ADCY2: variants seen among roughly 807,000 people sequenced by gnomAD.
The protein encoded by ADCY2 is adenylate cyclase type 2.
ADCY2 carries 31 observed loss-of-function variants against 125.2 expected under a neutral mutation model. That is an observed-to-expected ratio of 0.25 (90% CI 0.19 to 0.33). ADCY2 has a LOEUF of 0.33. Among genes scored for constraint, ADCY2 ranks in the 10% least tolerant of loss-of-function variants. ADCY2 has a pLI of 1.00. For synonymous variants in ADCY2, 512 were observed against 548.4 expected (o/e 0.93, Z 0.93); for missense variants, 904 against 1,418.2 (o/e 0.64, Z 5.82).
At chr5:7,800,622 A>T (rs1744563516) in intron 20 of ADCY2, 1 of 152,246 alleles carries the variant, frequency 6.6e-6, no homozygotes, top group Admixed American at 6.5e-5. Flanking sequence ...AGATCACGCC[A>T]TTGCACTCCA....
chr5:7,745,760 T>C lies in ADCY2; in HGVS notation c.1956+2008T>C, dbSNP rs541421590. 1.9e-3 allele frequency among the ~76,000 whole-genome samples: 293 copies of C among 152,332 alleles called. 2 individuals carry two copies. The highest frequency in any genetic ancestry group is 6.9e-3 in the African/African-American group (285 of 41,584). ...TTCTAATTAAGTCAGTTCAGATCAT[T>C]GTGACTAACTAGCCATATTTATCAT... On this transcript the variant is annotated intron_variant, in intron 15 of 24. Coordinates refer to ENST00000338316, the MANE Select transcript of ADCY2 (RefSeq NM_020546.3).
chr5:7,552,655 GGTA>G (rs1239084312), intron 3 of ADCY2, among the ~76,000 whole-genome samples: 1 of 152,108 alleles, frequency 6.6e-6, no homozygotes, highest in Non-Finnish European at 1.5e-5. Flanking sequence ...CAAGTAAAAT[GGTA>G]GAAAGAGCTC....
Position 7,802,235 on chromosome 5 carries a change from C to T in ADCY2, c.2646C>T (p.Ser882=), listed in dbSNP as rs773835529. 1 of 1,613,882 alleles carries T rather than the reference C, an allele frequency of 6.2e-7. No individual in the cohort carries two copies. Among genetic ancestry groups the T allele is most frequent in the Non-Finnish European group, 8.5e-7 (1 of 1,179,884 alleles). Reference sequence around the variant, plus strand: ...CCAAGCAGGAGCTATACCACCAGTCCTATGACTGCGTCTGCGTCATGTTTG... The same window carrying T: ...CCAAGCAGGAGCTATACCACCAGTCTTATGACTGCGTCTGCGTCATGTTTG... ...SLKNEELYHQ[S]YDCVCVMFAS... Residue 882 remains serine, a synonymous_variant, in exon 21 of 25, where the codon TCC becomes TCT. Transcript: ENST00000338316. The surrounding 1 kb of genome is among the most constrained non-coding windows in gnomAD (Gnocchi z 4.6).
chr5:7,557,032 G>A lies in ADCY2; in HGVS notation c.570+36133G>A, dbSNP rs1313718912. On this transcript the variant is annotated intron_variant, in intron 3 of 24. Transcript: ENST00000338316. ...TTAAAAATTTTATTTGTGCAAAGATGCCATTTTAAAAGTAAAGAAACAATC... is the reference window on the plus strand; with the variant it reads ...TTAAAAATTTTATTTGTGCAAAGATACCATTTTAAAAGTAAAGAAACAATC... 2.0e-5 allele frequency among the ~76,000 whole-genome samples: 3 copies of A among 151,768 alleles called. 1 individual carries two copies. Among genetic ancestry groups the A allele is most frequent in the South Asian group, 2.1e-4 (1 of 4,826 alleles).
chr5:7,637,066 GTTAA>G (rs756094758), intron 4 of ADCY2, among the ~76,000 whole-genome samples: 1 of 152,154 alleles, frequency 6.6e-6, no homozygotes, highest in Non-Finnish European at 1.5e-5. Flanking sequence ...TAAATTGCCT[GTTAA>G]TTATTTCTAA....
At chr5:7,809,995 C>G (rs141795051) in intron 22 of ADCY2, among the ~76,000 whole-genome samples, 79 of 152,256 alleles carry the variant, frequency 5.2e-4, no homozygotes, top group African/African-American at 1.9e-3. Context: ...ATTTAGTGGT[C>G]GGTAGAAAAT....
rs114842588 is a variant in ADCY2 at position 7,542,886 on chromosome 5, A to G, written c.570+21987A>G. ...AACTATCACATTCCACCCCTTGTCA[A>G]CTGGACACTCAGGCACATCCACTTT... On this transcript the variant is annotated intron_variant, in intron 3 of 24. Coordinates refer to ENST00000338316, the MANE Select transcript of ADCY2 (RefSeq NM_020546.3). Among the ~76,000 whole-genome samples, 649 of 152,310 alleles carry G rather than the reference A, an allele frequency of 4.3e-3. 1 individual carries two copies. Among genetic ancestry groups the G allele is most frequent in the African/African-American group, 0.015 (606 of 41,574 alleles).
chr5:7,613,613 T>C (rs187811883), intron 3 of ADCY2, among the ~76,000 whole-genome samples: 95 of 152,370 alleles, frequency 6.2e-4, no homozygotes, highest in African/African-American at 2.3e-3. Flanking sequence ...AAAGTTTTTC[T>C]TGGCGTTTCA....
At chr5:7,583,337 G>A (rs1736496745) in intron 3 of ADCY2, among the ~76,000 whole-genome samples, 1 of 151,904 alleles carries the variant, frequency 6.6e-6, no homozygotes, top group South Asian at 2.1e-4. Context: ...TTTATAAACT[G>A]ATTATAATAT....
chr5:7,783,315 T>G (rs1743976835), intron 18 of ADCY2, among the ~76,000 whole-genome samples: 1 of 152,098 alleles, frequency 6.6e-6, no homozygotes, highest in Admixed American at 6.5e-5. Context: ...GCCAGGGATA[T>G]AAGTATTTAA....
At chr5:7,501,415 ATGC>A (rs1474681447) in intron 2 of ADCY2, among the ~76,000 whole-genome samples, 2 of 152,196 alleles carry the variant, frequency 1.3e-5, no homozygotes, top group Admixed American at 6.5e-5. Flanking sequence ...TAAGATATTG[ATGC>A]TTTTCAATCA....
At chr5:7,416,814 C>T (rs1739965198) in intron 2 of ADCY2, among the ~76,000 whole-genome samples, 1 of 152,178 alleles carries the variant, frequency 6.6e-6, no homozygotes, top group Admixed American at 6.5e-5. Flanking sequence ...AGTTAAGATC[C>T]TGCTGGTCGG....
In ADCY2 at chr5:7,501,135, A is replaced by ATTTTTTT. The variant is rs1561059958; in HGVS notation, c.409-19603_409-19602insTTTTTTT. 8.1e-4 allele frequency among the ~76,000 whole-genome samples: 99 copies of ATTTTTTT among 121,606 alleles called. 1 individual carries two copies. Among genetic ancestry groups the ATTTTTTT allele is most frequent in the African/African-American group, 1.5e-3 (49 of 31,952 alleles). The allele number at this position is 121,606 out of a possible 152,430, so 79.8% of individuals were successfully genotyped here. A position where few individuals can be genotyped will look rare whatever the true frequency, so the allele number is the denominator to read the frequency against. ...ATTTAAATAAAAGCTTTTTTTTAAA[A>ATTTTTTT]AAAAAAAAAAAGGTCTACATTTTCT... is the stretch of plus-strand genomic sequence containing the variant. On this transcript the variant is annotated intron_variant, in intron 2 of 24. Coordinates refer to ENST00000338316, the MANE Select transcript of ADCY2 (RefSeq NM_020546.3).
chr5:7,719,972 A>G (rs1741707198), intron 12 of ADCY2, among the ~76,000 whole-genome samples: 1 of 152,046 alleles, frequency 6.6e-6, no homozygotes, highest in Admixed American at 6.6e-5. Flanking sequence ...TCTAGTAAGC[A>G]TAGTATTCAG....
chr5:7,762,148 A>G (rs891219667), intron 16 of ADCY2, among the ~76,000 whole-genome samples: 2 of 152,344 alleles, frequency 1.3e-5, no homozygotes, highest in East Asian at 3.9e-4. Flanking sequence ...CTGCTCAAGC[A>G]CTGAATTCCT....
chr5:7,483,454 G>A (rs1020829409), intron 2 of ADCY2, among the ~76,000 whole-genome samples: 2 of 151,966 alleles, frequency 1.3e-5, no homozygotes, highest in Non-Finnish European at 1.5e-5. Context: ...GAGACCAGTG[G>A]CATTTGTTTC....
At chr5:7,540,784 C>T (rs535723606) in intron 3 of ADCY2, among the ~76,000 whole-genome samples, 4 of 152,298 alleles carry the variant, frequency 2.6e-5, no homozygotes, top group Admixed American at 6.5e-5. Flanking sequence ...TAAAGCATTG[C>T]TGACTCACAG....
chr5:7,569,758 G>A (rs13173207), intron 3 of ADCY2, among the ~76,000 whole-genome samples: 75,163 of 151,868 alleles, frequency 0.49, 19,439 homozygotes, highest in Non-Finnish European at 0.57. Flanking sequence ...AACTGCTCAG[G>A]CTTAAGAGAG....
chr5:7,587,913 A>C (rs530833389), intron 3 of ADCY2, among the ~76,000 whole-genome samples: 1 of 152,158 alleles, frequency 6.6e-6, no homozygotes, highest in African/African-American at 2.4e-5. Context: ...TAAAATGACC[A>C]GGACAGGCCA....
Sources: allele counts gnomAD v4.1 joint callset (sites outside exome capture counted in the v4.1 genomes callset), GRCh38; gene constraint gnomAD v4.1.1; non-coding constraint Gnocchi (gnomAD v3.1); transcripts MANE v1.5; gene names NCBI Gene and HGNC (gene_info 2026-07-23, HGNC 2026-07-21).